MBD5: variants seen among roughly 807,000 people sequenced by gnomAD.
MBD5 encodes the protein methyl-CpG-binding domain protein 5.
In MBD5, 13 loss-of-function variants were observed where a neutral mutation model predicts 117.3. The observed-to-expected ratio is 0.11, with a 90% CI of 0.07 to 0.18. MBD5 has a LOEUF of 0.18. Among genes scored for constraint, MBD5 ranks in the 10% least tolerant of loss-of-function variants. The pLI is 1.00. For missense variants in MBD5, 1,879 were observed against 2,093.8 expected, an observed-to-expected ratio of 0.90 and a Z score of 2.00; for synonymous variants, 727 against 766.4, an observed-to-expected ratio of 0.95 and a Z score of 0.85.
chr2:148,184,330 C>A (rs1178182786), intron 2 of MBD5, among the ~76,000 whole-genome samples: 2 of 152,020 alleles, frequency 1.3e-5, no homozygotes, highest in Non-Finnish European at 2.9e-5. Context: ...CTTTCTGAGT[C>A]TCCTGTTATT....
intron 1 of MBD5, among the ~76,000 whole-genome samples, chr2:148,063,075 T>C (rs940965749): frequency 3.9e-5 from 6 of 152,158 alleles, no homozygotes; most frequent in African/African-American, 1.4e-4. Flanking sequence ...AATAAAAACA[T>C]TGCTAATAAT....
intron 4 of MBD5, among the ~76,000 whole-genome samples, chr2:148,368,799 G>A (rs1039502180): frequency 1.3e-5 from 2 of 151,832 alleles, no homozygotes; most frequent in Non-Finnish European, 2.9e-5. Context: ...TAATAGAAGG[G>A]ATAATAGAGT....
Position 148,299,763 on chromosome 2 carries a change from C to A in MBD5, c.-679-42451C>A, listed in dbSNP as rs115930878. Among the ~76,000 whole-genome samples, 1,279 of 152,262 alleles carry A rather than the reference C, an allele frequency of 8.4e-3. 23 individuals are homozygous for A. The highest frequency in any genetic ancestry group is 0.029 in the African/African-American group (1,192 of 41,552). On this transcript the variant is annotated intron_variant, in intron 3 of 13. Transcript: ENST00000642680. ...ACAAGTTTCTATTATGTATGATCTCCATTTTCAAAAATGTCTGAGGACCTG... is the reference window on the plus strand; with the variant it reads ...ACAAGTTTCTATTATGTATGATCTCAATTTTCAAAAATGTCTGAGGACCTG...
chr2:148,387,863 A>T (rs1241801491), intron 4 of MBD5, among the ~76,000 whole-genome samples: 1 of 152,200 alleles, frequency 6.6e-6, no homozygotes, highest in Non-Finnish European at 1.5e-5. Context: ...AATATTAAAC[A>T]TCTAAATAGT....
intron 3 of MBD5, among the ~76,000 whole-genome samples, chr2:148,286,019 TTTA>T (rs1701361221): frequency 2.0e-5 from 3 of 152,158 alleles, no homozygotes; most frequent in African/African-American, 7.2e-5. Context: ...AACACTTCTT[TTTA>T]TTATTAGTAT....
chr2:148,182,824 G>C (rs1698560503), intron 2 of MBD5, among the ~76,000 whole-genome samples: 1 of 152,008 alleles, frequency 6.6e-6, no homozygotes. Context: ...AGCCCACATT[G>C]ACATTCACAT....
Position 148,458,791 on chromosome 2 carries a change from C to A in MBD5, c.33C>A (p.Asp11Glu), listed in dbSNP as rs1307672032. Residue 11 changes from aspartate (D) to glutamate (E), a missense_variant, in exon 5 of 14, where the codon GAC becomes GAA. Around this residue, in one of 4 missense-constraint regions of MBD5, gnomAD observed 71 missense variants for 129.2 expected, o/e 0.55. Coordinates refer to ENST00000642680, the MANE Select transcript of MBD5 (RefSeq NM_001378120.1). Reference sequence around the variant, plus strand: ...GAGGCAAAGAGTGTGACGGAGGGGACAAGGAAGGAGGTCTTCCAGCTATAC... The same window carrying A: ...GAGGCAAAGAGTGTGACGGAGGGGAAAAGGAAGGAGGTCTTCCAGCTATAC... MNGGKECDGG[D>E]KEGGLPAIQV... 1 of 1,613,406 alleles carries A rather than the reference C, an allele frequency of 6.2e-7. No individual in the cohort carries two copies. Among genetic ancestry groups the A allele is most frequent in the Non-Finnish European group, 8.5e-7 (1 of 1,179,666 alleles).
chr2:148,470,066 T>C lies in MBD5; in HGVS notation c.2123T>C (p.Met708Thr). Reference sequence around the variant, plus strand: ...TCAATGTCTCAGTTACTACAGTCTATGAGTTGTCAAAGCTCTCACTTGAGT... The same window carrying C: ...TCAATGTCTCAGTTACTACAGTCTACGAGTTGTCAAAGCTCTCACTTGAGT... ...ISSMSQLLQS[M>T]SCQSSHLSSN... The change falls in exon 8 of 14, where the codon ATG becomes ACG. Residue 708 changes from methionine to threonine, a missense_variant. Physicochemically the swap from Met to Thr is moderately conservative, Grantham distance 81. This residue lies in a region of MBD5 where 1,666 missense variants were observed against 1,792.2 expected (regional missense o/e 0.93). Coordinates refer to ENST00000642680, the MANE Select transcript of MBD5 (RefSeq NM_001378120.1). The C allele has an allele frequency of 6.2e-7, 1 of 1,613,928 alleles. No individual in the cohort carries two copies. Among genetic ancestry groups the C allele is most frequent in the Non-Finnish European group, 8.5e-7 (1 of 1,179,896 alleles).
chr2:148,391,770 T>G (rs1000033420), intron 4 of MBD5, among the ~76,000 whole-genome samples: 1 of 152,186 alleles, frequency 6.6e-6, no homozygotes, highest in Non-Finnish European at 1.5e-5. Context: ...GGTATATTGA[T>G]GAAGTTATCA....
At chr2:148,165,174 C>G (rs1344411795) in intron 1 of MBD5, among the ~76,000 whole-genome samples, 1 of 152,078 alleles carries the variant, frequency 6.6e-6, no homozygotes, top group African/African-American at 2.4e-5. Flanking sequence ...AGTTTGGAAG[C>G]AACACAGATC....
At chr2:148,059,781 G>A (rs1205106180) in intron 1 of MBD5, among the ~76,000 whole-genome samples, 3 of 151,846 alleles carry the variant, frequency 2.0e-5, no homozygotes, top group African/African-American at 7.2e-5. Context: ...GGGAGGCGGA[G>A]CTTGCAGTGA....
At chr2:148,379,697 T>C (rs1704081294) in intron 4 of MBD5, among the ~76,000 whole-genome samples, 1 of 151,808 alleles carries the variant, frequency 6.6e-6, no homozygotes, top group Non-Finnish European at 1.5e-5. Context: ...CAGAGATTGA[T>C]AAAAAGGACA....
At chr2:148,480,582 G>T (rs1364754167) in intron 8 of MBD5, among the ~76,000 whole-genome samples, 1 of 151,854 alleles carries the variant, frequency 6.6e-6, no homozygotes, top group Non-Finnish European at 1.5e-5. Context: ...ATTTGTAAAG[G>T]TTTAATAAAA....
chr2:148,259,755 T>A (rs1260661430), intron 3 of MBD5, among the ~76,000 whole-genome samples: 1 of 152,226 alleles, frequency 6.6e-6, no homozygotes, highest in African/African-American at 2.4e-5. Context: ...CATCATCTAA[T>A]GCTCCTCACG....
intron 1 of MBD5, among the ~76,000 whole-genome samples, chr2:148,147,751 C>A (rs1697504450): frequency 6.6e-6 from 1 of 152,032 alleles, no homozygotes; most frequent in Admixed American, 6.6e-5. Context: ...GAGATTAAGC[C>A]AGTACGTTTC....
intron 1 of MBD5, among the ~76,000 whole-genome samples, chr2:148,149,847 G>C (rs1228566699): frequency 1.3e-5 from 2 of 150,224 alleles, no homozygotes; most frequent in Non-Finnish European, 3.0e-5. Flanking sequence ...TTAGCCCTTT[G>C]TCAGATGAGT....
At chr2:148,200,832 C>T (rs914200016) in intron 2 of MBD5, among the ~76,000 whole-genome samples, 2 of 150,620 alleles carry the variant, frequency 1.3e-5, no homozygotes, top group Non-Finnish European at 1.5e-5. Flanking sequence ...AGAAGTTCTT[C>T]TGATCTAAAT....
intron 8 of MBD5, chr2:148,481,892 C>G (rs975208228): frequency 1.3e-5 from 2 of 152,072 alleles, no homozygotes; most frequent in African/African-American, 4.8e-5. Context: ...GAAATTTTAT[C>G]TTTTCAGATA....
At chr2:148,154,975 G>T (rs1216848880) in intron 1 of MBD5, among the ~76,000 whole-genome samples, 1 of 152,148 alleles carries the variant, frequency 6.6e-6, no homozygotes, top group Non-Finnish European at 1.5e-5. Context: ...TATTTATTGA[G>T]TTCTTATGAG....
Sources: allele counts gnomAD v4.1 joint callset (sites outside exome capture counted in the v4.1 genomes callset), GRCh38; gene constraint gnomAD v4.1.1; regional missense constraint gnomAD v4.1.1; transcripts MANE v1.5; gene names NCBI Gene and HGNC (gene_info 2026-07-23, HGNC 2026-07-21).